MGA: variants seen among roughly 807,000 people sequenced by gnomAD.
MGA encodes the protein MAX dimerization protein MGA, also known as MAX gene-associated protein.
A neutral mutation model predicts 261.1 loss-of-function variants in MGA; 40 were observed. The observed-to-expected ratio is 0.15, with a 90% CI of 0.12 to 0.20. The LOEUF is 0.20. MGA is among the 10% of genes least tolerant of loss of function. The pLI is 1.00. For synonymous variants in MGA, 1,302 were observed against 1,290.6 expected (o/e 1.01, Z -0.19); for missense variants, 3,397 against 3,630.5 (o/e 0.94, Z 1.65).
At chr15:41,731,078 C>G (rs1326267803) in intron 11 of MGA, among the ~76,000 whole-genome samples, 1 of 152,138 alleles carries the variant, frequency 6.6e-6, no homozygotes, top group Non-Finnish European at 1.5e-5. Context: ...GAAAAACATT[C>G]TTAAGGGCAG....
intron 1 of MGA, among the ~76,000 whole-genome samples, chr15:41,661,056 A>G (rs2057369976): frequency 6.6e-6 from 1 of 152,114 alleles, no homozygotes; most frequent in South Asian, 2.1e-4. Flanking sequence ...CTTTTCTAAC[A>G]AGTAATTTCC....
At chr15:41,667,176 C>G (rs975566471) in intron 1 of MGA, among the ~76,000 whole-genome samples, 4 of 152,078 alleles carry the variant, frequency 2.6e-5, no homozygotes, top group Admixed American at 2.0e-4. Flanking sequence ...ATCCTTTACT[C>G]ATTTTTCTGT....
chr15:41,743,295 A>G (rs1450461052), intron 15 of MGA, 123 bp downstream of exon 15: 2 of 1,226,244 alleles, frequency 1.6e-6, no homozygotes, highest in African/African-American at 1.5e-5. Flanking sequence ...GTAACATGAT[A>G]CATGTATTCC....
chr15:41,710,921 T>C lies in MGA; in HGVS notation c.2656T>C (p.Leu886=). The C allele has an allele frequency of 1.2e-6, 2 of 1,613,998 alleles. No individual in the cohort carries two copies. The highest frequency in any genetic ancestry group is 1.7e-6 in the Non-Finnish European group (2 of 1,179,890). ...TATTTCCCCTTCTACCTCTTATTCT[T>C]TGAAACCTCATTCTGTACCCCCTGT... is the stretch of plus-strand genomic sequence containing the variant. The change falls in exon 8 of 24, where the codon TTG becomes CTG. Residue 886 remains leucine (L), a synonymous_variant. Coordinates refer to ENST00000219905, the MANE Select transcript of MGA (RefSeq NM_001164273.2).
At chr15:41,679,766 T>C (rs75449462) in intron 2 of MGA, among the ~76,000 whole-genome samples, 5,011 of 152,158 alleles carry the variant, frequency 0.033, 140 homozygotes, top group South Asian at 0.07. Flanking sequence ...TATATGTGGG[T>C]TTTTGAAAGT....
chr15:41,653,780 C>T (rs2057114345), intron 1 of MGA, among the ~76,000 whole-genome samples: 2 of 152,134 alleles, frequency 1.3e-5, no homozygotes, highest in African/African-American at 4.8e-5. Flanking sequence ...GTTTCCCCCA[C>T]CTTTTTTCCT....
chr15:41,655,305 A>G (rs2057143520), intron 1 of MGA, among the ~76,000 whole-genome samples: 2 of 151,282 alleles, frequency 1.3e-5, no homozygotes, highest in African/African-American at 4.9e-5. Context: ...CAGCCTCCCA[A>G]GTAGCTGGGA....
upstream of MGA, chr15:41,660,386 C>CGTGCGCGGTGACGTGGACGTCCG (rs2057311174): frequency 1.3e-5 from 2 of 152,742 alleles, no homozygotes; most frequent in Admixed American, 6.5e-5. Flanking sequence ...GGTAGGAGCG[C>CGTGCGCGGTGACGTGGACGTCCG]GTGCGCGGTG....
chr15:41,744,475 C>T lies in MGA; in HGVS notation c.5212+1303C>T, dbSNP rs186175594. ...CCTCCCAAAGTGCTGGGATTACAGG[C>T]GTGAGCCACCACGTCCGGCTTGTGA... On this transcript the variant is annotated intron_variant, in intron 15 of 23. Transcript: ENST00000219905. Among the ~76,000 whole-genome samples the T allele has an allele frequency of 4.8e-3, 733 of 152,144 alleles. 4 individuals carry two copies. The highest frequency in any genetic ancestry group is 6.6e-3 in the Non-Finnish European group (448 of 67,996).
At chr15:41,638,954 A>G (rs889902226) in intron 1 of MGA, among the ~76,000 whole-genome samples, 1 of 151,400 alleles carries the variant, frequency 6.6e-6, no homozygotes, top group Non-Finnish European at 1.5e-5. Context: ...CAAGTGATCC[A>G]CCTGTCTTGG....
intron 2 of MGA, among the ~76,000 whole-genome samples, chr15:41,670,247 C>A (rs1291861662): frequency 1.3e-5 from 2 of 151,322 alleles, no homozygotes; most frequent in Non-Finnish European, 1.5e-5. Flanking sequence ...CCAGGACCAC[C>A]CAAGAATACC....
chr15:41,674,044 A>G (rs749482967), intron 2 of MGA, among the ~76,000 whole-genome samples: 4 of 151,758 alleles, frequency 2.6e-5, no homozygotes, highest in Non-Finnish European at 4.4e-5. Flanking sequence ...GGCACATGCT[A>G]CCACACCCGG....
chr15:41,687,524 C>G (rs931338076), intron 2 of MGA, among the ~76,000 whole-genome samples: 1 of 152,112 alleles, frequency 6.6e-6, no homozygotes, highest in African/African-American at 2.4e-5. Context: ...AAAAAATGAT[C>G]AACTCCTGTC....
At chr15:41,672,277 C>T (rs1304953638) in intron 2 of MGA, among the ~76,000 whole-genome samples, 7 of 152,160 alleles carry the variant, frequency 4.6e-5, no homozygotes, top group Non-Finnish European at 1.0e-4. Context: ...CCTCAGCCTC[C>T]TGAATAGCTG....
intron 2 of MGA, among the ~76,000 whole-genome samples, chr15:41,675,306 A>G (rs907320861): frequency 6.6e-6 from 1 of 151,698 alleles, no homozygotes; most frequent in Non-Finnish European, 1.5e-5. Flanking sequence ...CACATGTGGT[A>G]TTGTCTTTTT....
intron 1 of MGA, among the ~76,000 whole-genome samples, chr15:41,637,495 G>C (rs1049475089): frequency 2.6e-5 from 4 of 152,088 alleles, no homozygotes; most frequent in Admixed American, 2.6e-4. Flanking sequence ...CTGGGTGAGG[G>C]GTTGAATAAG....
At chr15:41,721,152 A>C (rs1349822312) in intron 9 of MGA, among the ~76,000 whole-genome samples, 1 of 152,204 alleles carries the variant, frequency 6.6e-6, no homozygotes, top group African/African-American at 2.4e-5. Flanking sequence ...GAAAAGATCA[A>C]GCCATTTGAC....
intron 19 of MGA, among the ~76,000 whole-genome samples, chr15:41,759,438 ATG>A (rs58952352): frequency 0.018 from 2,481 of 134,666 alleles, 80 homozygotes; most frequent in African/African-American, 0.062. Flanking sequence ...GCTTCTTAAT[ATG>A]TGTGTGTGTG....
chr15:41,648,730 G>A (rs527747341), intron 1 of MGA, among the ~76,000 whole-genome samples: 7 of 152,258 alleles, frequency 4.6e-5, no homozygotes, highest in Admixed American at 2.6e-4. Flanking sequence ...GTGTTATGGG[G>A]AGAATGATGT....
Sources: allele counts gnomAD v4.1 joint callset (sites outside exome capture counted in the v4.1 genomes callset), GRCh38; gene constraint gnomAD v4.1.1; transcripts MANE v1.5; gene names NCBI Gene and HGNC (gene_info 2026-07-23, HGNC 2026-07-21).